The following KDM5A variants were observed in gnomAD, a reference collection of about 807,000 sequenced individuals.
KDM5A encodes the protein lysine-specific demethylase 5A.
In KDM5A, 42 loss-of-function variants were observed where a neutral mutation model predicts 193.5. That is an observed-to-expected ratio of 0.22 (90% confidence interval 0.17 to 0.28). The LOEUF is 0.28. Ranked by LOEUF, KDM5A falls within the 10% of genes least tolerant of loss-of-function variation. The pLI is 1.00. For synonymous variants in KDM5A, 796 were observed against 718.1 expected, an observed-to-expected ratio of 1.11 and a Z score of -1.73; for missense variants, 1,692 against 2,055.1, an observed-to-expected ratio of 0.82 and a Z score of 3.42.
At chr12:379,654 C>A (rs900888496) in intron 3 of KDM5A, among the ~76,000 whole-genome samples, 3 of 152,144 alleles carry the variant, frequency 2.0e-5, no homozygotes, top group Non-Finnish European at 2.9e-5. Flanking sequence ...AGCTTTAAAT[C>A]TCAGTTTTGC....
intron 16 of KDM5A, 27 bp from the exon 17 acceptor site, chr12:322,594 A>T: frequency 6.3e-7 from 1 of 1,598,118 alleles, no homozygotes; most frequent in Non-Finnish European, 8.6e-7. Context: ...AAAGAGCCAT[A>T]TACAATAACC....
chr12:320,391 G>A (rs1041853291), intron 18 of KDM5A, among the ~76,000 whole-genome samples: 16 of 152,148 alleles, frequency 1.1e-4, no homozygotes, highest in African/African-American at 3.9e-4. Context: ...AGCTACTCGG[G>A]AGGCTGAGGC....
At chr12:383,219 CTTT>C (rs35783919) in intron 3 of KDM5A, among the ~76,000 whole-genome samples, 3 of 147,726 alleles carry the variant, frequency 2.0e-5, no homozygotes, top group African/African-American at 2.5e-5. Context: ...CAAATTTTCT[CTTT>C]TTTTTTTTTG....
chr12:287,716 C>A lies in KDM5A; in HGVS notation c.4867-2054G>T, dbSNP rs898556817. 5.3e-5 allele frequency among the ~76,000 whole-genome samples: 8 copies of A among 152,206 alleles called. 1 individual carries two copies. Among genetic ancestry groups the A allele is most frequent in the African/African-American group, 1.7e-4 (7 of 41,524 alleles). On this transcript the variant is annotated intron_variant, in intron 27 of 27. Coordinates refer to ENST00000399788, the MANE Select transcript of KDM5A (RefSeq NM_001042603.3). ...TGCTTTTTATAATGGTACCTGTGAA[C>A]CAACAGTTACCTTCACCCTTACACC... is the stretch of plus-strand genomic sequence containing the variant.
Position 292,998 on chromosome 12 carries a change from C to T in KDM5A, c.4627G>A (p.Asp1543Asn). The change falls in exon 27 of 28, where the codon GAC becomes AAC. Residue 1543 changes from aspartate (D) to asparagine (N), a missense_variant. Asp to Asn is a conservative substitution (Grantham distance 23). This residue lies in a region of KDM5A where 965 missense variants were observed against 1,061.0 expected (regional missense o/e 0.91). Coordinates refer to ENST00000399788, the MANE Select transcript of KDM5A (RefSeq NM_001042603.3). ...AGTTTATTCAGCTCCTTTGATTTGT[C>T]TGCACCTAATTTTAATTTCTTCTTT... ...PRKKKLKLGA[D>N]KSKELNKLAK... 1 of 1,595,910 alleles carries T rather than the reference C, an allele frequency of 6.3e-7. No homozygotes were observed. The highest frequency in any genetic ancestry group is 2.2e-5 in the East Asian group (1 of 44,826).
rs1943187357 is a variant in KDM5A, at chr12:284,067, A to G, written c.*1389T>C. On this transcript the variant is annotated 3_prime_UTR_variant, in exon 28 of 28. Coordinates refer to ENST00000399788, the MANE Select transcript of KDM5A (RefSeq NM_001042603.3). The stretch of plus-strand genomic sequence containing the variant: ...TATATGAACAAAAGCAAAATGGAAG[A>G]TCTGGTCAGGCTGGGATGGAGGAGG... 4.3e-6 allele frequency: 1 copy of G among 232,694 alleles called. No homozygotes were observed. Among genetic ancestry groups the G allele is most frequent in the African/African-American group, 2.2e-5 (1 of 45,270 alleles). The allele number at this position is 232,694 out of a possible 1,614,324, so 14.4% of individuals were successfully genotyped here. A position where few individuals can be genotyped will look rare whatever the true frequency, so the allele number is the denominator to read the frequency against.
rs1193969722 is a variant in KDM5A at position 292,851 on chromosome 12, G to C, written c.4774C>G (p.Pro1592Ala). ...KKREKKVLDI[P>A]SKYDWSGAEE... ...GCTCCTGACCAGTCATACTTTGAGG[G>C]GATGTCCAGCACCTTTTTCTCTCTT... The change falls in exon 27 of 28, where the codon CCC becomes GCC. Residue 1592 changes from proline to alanine, a missense_variant. Transcript: ENST00000399788. The C allele has an allele frequency of 6.2e-7, 1 of 1,614,202 alleles. No homozygotes were observed. The highest frequency in any genetic ancestry group is 8.5e-7 in the Non-Finnish European group (1 of 1,180,028).
intron 8 of KDM5A, 104 bp downstream of exon 8, chr12:353,972 G>A: frequency 4.5e-6 from 4 of 898,860 alleles, no homozygotes; most frequent in South Asian, 1.5e-5. Context: ...AATGAAGACA[G>A]AATGACAAAA....
At chr12:348,253 G>T (rs1944103787) in intron 10 of KDM5A, among the ~76,000 whole-genome samples, 1 of 152,144 alleles carries the variant, frequency 6.6e-6, no homozygotes, top group African/African-American at 2.4e-5. Context: ...TCATTAAAAA[G>T]TCAGGAAACA....
In KDM5A at chr12:307,759, T is replaced by C; in HGVS notation, c.3625A>G (p.Lys1209Glu). Residue 1209 changes from lysine to glutamate, a missense_variant, in exon 23 of 28, where the codon AAA becomes GAA. Physicochemically the swap from Lys to Glu is moderately conservative, Grantham distance 56. Around this residue, in one of 11 missense-constraint regions of KDM5A, gnomAD observed 965 missense variants for 1,061.0 expected, o/e 0.91. Coordinates refer to ENST00000399788, the MANE Select transcript of KDM5A (RefSeq NM_001042603.3). This position sits in a 1 kb window ranked among gnomAD's most constrained non-coding sequence, Gnocchi z 4.3. ...KGSSWQAKEV[K>E]FLCPLCMRSR... ...CGCATACAAAGAGGGCAAAGGAATTTTACTTCTTTAGCTTGCCAGCTGGAT... is the reference window on the plus strand; with the variant it reads ...CGCATACAAAGAGGGCAAAGGAATTCTACTTCTTTAGCTTGCCAGCTGGAT... 6.2e-7 allele frequency: 1 copy of C among 1,614,176 alleles called. No homozygotes were observed. Among genetic ancestry groups the C allele is most frequent in the Middle Eastern group, 1.6e-4 (1 of 6,062 alleles).
At chr12:370,611 CT>C (rs777162719) in intron 3 of KDM5A, among the ~76,000 whole-genome samples, 62 of 82,422 alleles carry the variant, frequency 7.5e-4, no homozygotes, top group Non-Finnish European at 8.0e-4. Flanking sequence ...GGAACAGAGA[CT>C]TTTTTTTTTT....
Position 350,617 on chromosome 12 carries a change from G to C in KDM5A, c.1308+4C>G, listed in dbSNP as rs752895321. On this transcript the variant is annotated splice_donor_region_variant and intron_variant, in intron 10 of 27. Transcript: ENST00000399788. ...GGTAAGCAAAAGTTTGGATAAATCT[G>C]CACCTCTTCTTCTGGCAGAATCTTT... The C allele has an allele frequency of 1.2e-6, 2 of 1,613,778 alleles. No individual in the cohort carries two copies. The highest frequency in any genetic ancestry group is 2.7e-5 in the African/African-American group (2 of 74,860).
chr12:324,298 TA>T (rs1274793983), intron 14 of KDM5A, among the ~76,000 whole-genome samples: 3 of 150,530 alleles, frequency 2.0e-5, no homozygotes, highest in African/African-American at 4.9e-5. Flanking sequence ...ACCCTGTCTC[TA>T]AAAAAAAAGA....
At chr12:380,324 A>C (rs80203643) in intron 3 of KDM5A, among the ~76,000 whole-genome samples, 5,819 of 152,190 alleles carry the variant, frequency 0.038, 357 homozygotes, top group African/African-American at 0.13. Context: ...TACCTTTTAA[A>C]TGGAAAATCA....
chr12:294,787 G>A (rs1196705770), intron 26 of KDM5A, among the ~76,000 whole-genome samples: 1 of 152,194 alleles, frequency 6.6e-6, no homozygotes, highest in Non-Finnish European at 1.5e-5. Context: ...TTTACTGGAT[G>A]TGTGACCTTA....
chr12:389,097 CG>C lies in KDM5A; in HGVS notation c.-7del, dbSNP rs2137508597. On this transcript the variant is annotated 5_prime_UTR_variant, in exon 1 of 28. Coordinates refer to ENST00000399788, the MANE Select transcript of KDM5A (RefSeq NM_001042603.3). The stretch of plus-strand genomic sequence containing the variant: ...CCCGGCCCCACGCCCGCCATTGCAA[CG>C]GCCGGGGGGGGGGGGGGGTCCCCGT... The C allele has an allele frequency of 2.2e-6, 3 of 1,370,610 alleles. No homozygotes were observed. Among genetic ancestry groups the C allele is most frequent in the Non-Finnish European group, 1.9e-6 (2 of 1,033,920 alleles). 84.9% of individuals were successfully genotyped at this position (1,370,610 alleles called of 1,614,324 possible).
At chr12:375,289 C>T (rs1944488361) in intron 3 of KDM5A, among the ~76,000 whole-genome samples, 1 of 152,130 alleles carries the variant, frequency 6.6e-6, no homozygotes, top group South Asian at 2.1e-4. Context: ...TCTTTTTTCT[C>T]TAAAGTTCTC....
chr12:329,723 G>A (rs1016939939), intron 13 of KDM5A, among the ~76,000 whole-genome samples: 1 of 152,072 alleles, frequency 6.6e-6, no homozygotes, highest in African/African-American at 2.4e-5. Context: ...TAAATGAACA[G>A]TTACAGTCTT....
At chr12:380,438 G>A (rs772710696) in intron 3 of KDM5A, among the ~76,000 whole-genome samples, 5 of 152,074 alleles carry the variant, frequency 3.3e-5, no homozygotes, top group Admixed American at 6.6e-5. Context: ...AAGATTGGCC[G>A]GGCACAGTGG....
Sources: allele counts gnomAD v4.1 joint callset (sites outside exome capture counted in the v4.1 genomes callset), GRCh38; gene constraint gnomAD v4.1.1; regional missense constraint gnomAD v4.1.1; non-coding constraint Gnocchi (gnomAD v3.1); transcripts MANE v1.5; gene names NCBI Gene and HGNC (gene_info 2026-07-23, HGNC 2026-07-21).